The following MRPS9 variants were observed in gnomAD, a reference collection of about 807,000 sequenced individuals.
MRPS9 encodes the protein mitochondrial ribosomal protein S9.
MRPS9 carries 45 observed loss-of-function variants against 59.9 expected under a neutral mutation model. The ratio of observed to expected loss-of-function variants is 0.75; its 90% CI spans 0.59 to 0.96. The LOEUF is 0.96. Among genes scored for constraint, MRPS9 ranks in the 40% least tolerant of loss-of-function variants. The pLI is 0.00. For synonymous variants in MRPS9, 171 were observed against 166.8 expected (o/e 1.03, Z -0.19); for missense variants, 473 against 481.1 (o/e 0.98, Z 0.16).
chr2:105,056,452 T>C (rs143269104), intron 2 of MRPS9, among the ~76,000 whole-genome samples: 15 of 152,280 alleles, frequency 9.9e-5, no homozygotes, highest in African/African-American at 3.6e-4. Context: ...ATTCTTGTCA[T>C]CTCCCTTGCT....
At chr2:105,039,846 C>T (rs1679471166) in intron 1 of MRPS9, among the ~76,000 whole-genome samples, 1 of 152,164 alleles carries the variant, frequency 6.6e-6, no homozygotes. Context: ...ATGATTTCTC[C>T]TGTTACTTTA....
At position 105,097,258 on chromosome 2, in the gene MRPS9, C is replaced by T. The variant is rs916589604; in HGVS notation, c.1033C>T (p.Arg345Ter). ...GAGGTCAGCGCAGGCTGGAGCAATA[C>T]GACTGGCAATGGCAAAAGCCTTGTG... is the stretch of plus-strand genomic sequence containing the variant. Reference protein sequence around the residue: ...GGRSAQAGAIRLAMAKALCSF... With the variant: ...GGRSAQAGAI Residue 345 changes from arginine to a stop codon, truncating the protein, a stop_gained, in exon 10 of 11, where the codon CGA becomes TGA. Coordinates refer to ENST00000258455, the MANE Select transcript of MRPS9 (RefSeq NM_182640.3). LOFTEE classifies it high-confidence loss of function. 6.2e-6 allele frequency: 10 copies of T among 1,612,666 alleles called. No homozygotes were observed. Among genetic ancestry groups the T allele is most frequent in the African/African-American group, 1.3e-5 (1 of 74,800 alleles).
At chr2:105,079,747 G>C (rs1374617706) in intron 4 of MRPS9, among the ~76,000 whole-genome samples, 1 of 151,908 alleles carries the variant, frequency 6.6e-6, no homozygotes, top group African/African-American at 2.4e-5. Context: ...GAAATATTTA[G>C]TAATTTTTAA....
At chr2:105,090,025 G>A in intron 7 of MRPS9, 30 bp downstream of exon 7, 2 of 1,307,476 alleles carry the variant, frequency 1.5e-6, no homozygotes, top group Non-Finnish European at 2.2e-6. Context: ...AATTTAAGGG[G>A]ACCTATGCAA....
At chr2:105,071,568 A>C in intron 4 of MRPS9, 79 bp downstream of exon 4, 1 of 1,414,372 alleles carries the variant, frequency 7.1e-7, no homozygotes, top group Non-Finnish European at 9.8e-7. Flanking sequence ...GCGGTTGCTC[A>C]CATATCGTAG....
chr2:105,072,326 C>T (rs907897650), intron 4 of MRPS9, among the ~76,000 whole-genome samples: 1 of 144,150 alleles, frequency 6.9e-6, no homozygotes, highest in Non-Finnish European at 1.6e-5. Context: ...GAGCAGTGAA[C>T]TTACACTTCC....
chr2:105,097,080 TC>T, intron 9 of MRPS9, 74 bp from the exon 10 acceptor site: 1 of 1,346,782 alleles, frequency 7.4e-7, no homozygotes, highest in Non-Finnish European at 9.7e-7. Flanking sequence ...TTATGAATAT[TC>T]AGAATTTCAG....
At chr2:105,073,269 A>G (rs1044753579) in intron 4 of MRPS9, among the ~76,000 whole-genome samples, 6 of 152,138 alleles carry the variant, frequency 3.9e-5, no homozygotes, top group Non-Finnish European at 5.9e-5. Flanking sequence ...TCTCAGTATT[A>G]GAAGTTTATT....
At chr2:105,089,827 A>C in intron 6 of MRPS9, 93 bp from the exon 7 acceptor site, 1 of 806,052 alleles carries the variant, frequency 1.2e-6, no homozygotes, top group Non-Finnish European at 1.9e-6. Context: ...CTGATTTTCA[A>C]ATCATAAAAT....
At chr2:105,078,470 T>C (rs183379456) in intron 4 of MRPS9, among the ~76,000 whole-genome samples, 19 of 152,226 alleles carry the variant, frequency 1.2e-4, no homozygotes, top group African/African-American at 4.6e-4. Flanking sequence ...TCTGACGGAC[T>C]AACCATACAG....
At chr2:105,084,247 A>AAAATATATATATATAT (rs1553443276) in intron 5 of MRPS9, among the ~76,000 whole-genome samples, 3 of 139,604 alleles carry the variant, frequency 2.1e-5, no homozygotes, top group African/African-American at 7.8e-5. Flanking sequence ...TATATACCAA[A>AAAATATATATATATAT]ATATATATAT....
At chr2:105,067,970 G>A (rs1254300295) in intron 2 of MRPS9, among the ~76,000 whole-genome samples, 1 of 152,190 alleles carries the variant, frequency 6.6e-6, no homozygotes, top group Non-Finnish European at 1.5e-5. Context: ...TGGGACTACA[G>A]TCATGTGCCA....
At chr2:105,049,427 C>A in intron 2 of MRPS9, 77 bp downstream of exon 2, 1 of 1,235,024 alleles carries the variant, frequency 8.1e-7, no homozygotes, top group Non-Finnish European at 1.1e-6. Context: ...TCATGAGCCC[C>A]TTAGCTCTGT....
intron 7 of MRPS9, chr2:105,091,347 A>G (rs1185660207): frequency 4.2e-6 from 2 of 471,082 alleles, no homozygotes; most frequent in Non-Finnish European, 8.8e-6. Context: ...AGAGTCTGTG[A>G]GATGCAATCA....
intron 10 of MRPS9, 152 bp downstream of exon 10, chr2:105,097,476 A>G (rs1237233703): frequency 2.1e-5 from 14 of 679,934 alleles, no homozygotes; most frequent in Non-Finnish European, 3.0e-5. Context: ...CAGAACCATA[A>G]CAGTATTTCT....
chr2:105,096,833 A>G (rs974712967), intron 9 of MRPS9, among the ~76,000 whole-genome samples: 11 of 152,174 alleles, frequency 7.2e-5, no homozygotes, highest in Non-Finnish European at 1.2e-4. Flanking sequence ...TGATTAATGG[A>G]GTTCCCCAAC....
rs575702680 is a variant in MRPS9 at position 105,088,520 on chromosome 2, A to G, written c.490-464A>G. 5.9e-5 allele frequency among the ~76,000 whole-genome samples: 9 copies of G among 152,286 alleles called. 1 individual carries two copies. Among genetic ancestry groups the G allele is most frequent in the Admixed American group, 5.2e-4 (8 of 15,302 alleles). ...TATGATAAGGACTTCAATATTATTTAAATATTAAATAAGTAGTAAGTCGTA... is the reference window on the plus strand; with the variant it reads ...TATGATAAGGACTTCAATATTATTTGAATATTAAATAAGTAGTAAGTCGTA... On this transcript the variant is annotated intron_variant, in intron 5 of 10. Transcript: ENST00000258455.
intron 7 of MRPS9, 188 bp from the exon 8 acceptor site, chr2:105,092,213 C>G (rs1680572254): frequency 2.3e-6 from 1 of 442,430 alleles, no homozygotes; most frequent in African/African-American, 2.0e-5. Flanking sequence ...AGATTTGGCA[C>G]TAAAGATACG....
intron 2 of MRPS9, among the ~76,000 whole-genome samples, chr2:105,060,966 C>T (rs1054826906): frequency 2.6e-5 from 4 of 151,568 alleles, no homozygotes; most frequent in Non-Finnish European, 2.9e-5. Flanking sequence ...AAAAAATTAG[C>T]CGGGCATGGT....
Sources: gnomAD v4.1 joint callset for allele counts (sites outside exome capture counted in the v4.1 genomes callset) on GRCh38, gnomAD v4.1.1 for gene constraint, MANE v1.5 for transcripts, NCBI Gene and HGNC (gene_info 2026-07-23, HGNC 2026-07-21) for gene names.